Variants in MYO1B observed in about 807,000 individuals in gnomAD.
The protein encoded by MYO1B is myosin IB.
Under a neutral mutation model 159.7 loss-of-function variants are expected in MYO1B, and 72 were observed. The ratio of observed to expected loss-of-function variants is 0.45; its 90% CI spans 0.37 to 0.55. The LOEUF is 0.55. Among genes scored for constraint, MYO1B ranks in the 20% least tolerant of loss-of-function variants. The pLI is 0.00. For synonymous variants in MYO1B, 468 were observed against 473.8 expected, an observed-to-expected ratio of 0.99 and a Z score of 0.16; for missense variants, 1,062 against 1,364.8, an observed-to-expected ratio of 0.78 and a Z score of 3.50.
At chr2:191,360,142 A>G (rs917473138) in intron 7 of MYO1B, among the ~76,000 whole-genome samples, 1 of 152,222 alleles carries the variant, frequency 6.6e-6, no homozygotes, top group African/African-American at 2.4e-5. Context: ...CTCCTGGACT[A>G]TCAGTGTTTT....
At chr2:191,277,354 A>G (rs1260717843) in intron 2 of MYO1B, among the ~76,000 whole-genome samples, 2 of 152,248 alleles carry the variant, frequency 1.3e-5, no homozygotes, top group Non-Finnish European at 2.9e-5. Flanking sequence ...ATACCTTCAT[A>G]AGATTAACAA....
At chr2:191,352,998 T>C (rs1181227833) in intron 7 of MYO1B, among the ~76,000 whole-genome samples, 1 of 152,180 alleles carries the variant, frequency 6.6e-6, no homozygotes, top group African/African-American at 2.4e-5. Context: ...CTCTTAACCT[T>C]GAAAAAGGCA....
intron 1 of MYO1B, among the ~76,000 whole-genome samples, chr2:191,257,360 T>C (rs1686514838): frequency 6.6e-6 from 1 of 152,210 alleles, no homozygotes; most frequent in Non-Finnish European, 1.5e-5. Context: ...ATGTTGAAGT[T>C]AAATTTTTCC....
In MYO1B at chr2:191,246,960, A is replaced by C. The variant is rs888923853; in HGVS notation, c.-10+1334A>C. 5.3e-5 allele frequency among the ~76,000 whole-genome samples: 8 copies of C among 152,288 alleles called. 1 individual carries two copies. Among genetic ancestry groups the C allele is most frequent in the Admixed American group, 4.6e-4 (7 of 15,294 alleles). ...TTTAGAGGTGGTAGAATTAAATGTAATGTGTCAGACATTTGTTAAGTGACC... is the reference window on the plus strand; with the variant it reads ...TTTAGAGGTGGTAGAATTAAATGTACTGTGTCAGACATTTGTTAAGTGACC... On this transcript the variant is annotated intron_variant, in intron 1 of 30. Coordinates refer to ENST00000392318, the MANE Select transcript of MYO1B (RefSeq NM_001130158.3).
At chr2:191,253,142 C>A (rs1686229173) in intron 1 of MYO1B, among the ~76,000 whole-genome samples, 1 of 152,140 alleles carries the variant, frequency 6.6e-6, no homozygotes, top group South Asian at 2.1e-4. Flanking sequence ...TGGCCAGGTA[C>A]ATGTTAGAAT....
intron 3 of MYO1B, among the ~76,000 whole-genome samples, chr2:191,309,252 A>G (rs977596958): frequency 1.3e-5 from 2 of 152,136 alleles, no homozygotes; most frequent in African/African-American, 4.8e-5. Context: ...TACTCGATGC[A>G]AAACTGTTTT....
intron 3 of MYO1B, among the ~76,000 whole-genome samples, chr2:191,310,738 G>A (rs1055222571): frequency 6.6e-6 from 1 of 152,160 alleles, no homozygotes; most frequent in Admixed American, 6.5e-5. Flanking sequence ...GGAGAGTTTG[G>A]GATAAGGAAA....
At chr2:191,418,706 C>T (rs573381958) in intron 30 of MYO1B, among the ~76,000 whole-genome samples, 3 of 152,144 alleles carry the variant, frequency 2.0e-5, no homozygotes, top group African/African-American at 7.2e-5. Flanking sequence ...TCAGGCTGGT[C>T]TCGAACTCCT....
chr2:191,387,525 T>C (rs1294316237), intron 17 of MYO1B, 75 bp downstream of exon 17: 1 of 1,310,280 alleles, frequency 7.6e-7, no homozygotes, highest in Admixed American at 1.7e-5. Flanking sequence ...TCCCTTTGCT[T>C]CAATCTGAGT....
intron 3 of MYO1B, among the ~76,000 whole-genome samples, chr2:191,311,951 C>T (rs1336102982): frequency 1.3e-5 from 2 of 152,186 alleles, no homozygotes; most frequent in Non-Finnish European, 2.9e-5. Context: ...TGCCTCCTTT[C>T]CGTAACTTAA....
intron 11 of MYO1B, among the ~76,000 whole-genome samples, chr2:191,367,978 A>G (rs1040137581): frequency 6.6e-6 from 1 of 152,188 alleles, no homozygotes; most frequent in Non-Finnish European, 1.5e-5. Context: ...TTAGCATTTG[A>G]CATGCATTTT....
At chr2:191,419,493 T>C (rs1038007311) in intron 30 of MYO1B, among the ~76,000 whole-genome samples, 26 of 152,030 alleles carry the variant, frequency 1.7e-4, no homozygotes, top group African/African-American at 5.6e-4. Context: ...GCTGGGATTA[T>C]AGGCGTGAGC....
intron 24 of MYO1B, among the ~76,000 whole-genome samples, chr2:191,405,980 C>T (rs916233113): frequency 6.6e-6 from 1 of 152,248 alleles, no homozygotes; most frequent in Non-Finnish European, 1.5e-5. Flanking sequence ...TAGATGGCAT[C>T]TTCTTCCAAT....
chr2:191,412,383 C>CT (rs1253928579), intron 27 of MYO1B, among the ~76,000 whole-genome samples: 2 of 152,186 alleles, frequency 1.3e-5, no homozygotes, highest in African/African-American at 4.8e-5. Flanking sequence ...ATTTAAAAGC[C>CT]TGTTAGCATT....
At chr2:191,353,397 A>C (rs1202834307) in intron 7 of MYO1B, among the ~76,000 whole-genome samples, 3 of 152,230 alleles carry the variant, frequency 2.0e-5, no homozygotes, top group African/African-American at 4.8e-5. Flanking sequence ...TGGAGAACAT[A>C]TGGTACAAGT....
At chr2:191,374,429 G>T (rs1694568671) in intron 13 of MYO1B, among the ~76,000 whole-genome samples, 1 of 152,160 alleles carries the variant, frequency 6.6e-6, no homozygotes, top group African/African-American at 2.4e-5. Context: ...GGACACTAAA[G>T]GGCGAGACTT....
In MYO1B at chr2:191,312,688, C is replaced by T. The variant is rs573799454; in HGVS notation, c.251+16462C>T. On this transcript the variant is annotated intron_variant, in intron 3 of 30. Transcript: ENST00000392318. Reference sequence around the variant, plus strand: ...AGTTAACTTGTCAGGTAACACCATCCAATGTATTGTGTGTGTTATAAAACA... The same window carrying T: ...AGTTAACTTGTCAGGTAACACCATCTAATGTATTGTGTGTGTTATAAAACA... Among the ~76,000 whole-genome samples, 4 of 152,214 alleles carry T rather than the reference C, an allele frequency of 2.6e-5. No homozygotes were observed. The East Asian group carries it at 7.7e-4, about 29-fold the overall frequency.
intron 24 of MYO1B, among the ~76,000 whole-genome samples, chr2:191,407,362 T>A (rs935561748): frequency 1.3e-5 from 2 of 152,206 alleles, no homozygotes; most frequent in Non-Finnish European, 2.9e-5. Flanking sequence ...CTCTCCCATT[T>A]GTATCTGGAT....
intron 1 of MYO1B, chr2:191,247,817 TG>T (rs1428467837): frequency 4.5e-6 from 2 of 447,172 alleles, no homozygotes; most frequent in Admixed American, 6.4e-5. Flanking sequence ...GGCTGGTCTC[TG>T]GTCTCTGGCC....
Sources: gnomAD v4.1 joint callset for allele counts (sites outside exome capture counted in the v4.1 genomes callset) on GRCh38, gnomAD v4.1.1 for gene constraint, MANE v1.5 for transcripts, NCBI Gene and HGNC (gene_info 2026-07-23, HGNC 2026-07-21) for gene names.